Variants in ACOX1 observed in about 807,000 individuals in gnomAD.
ACOX1 encodes the protein peroxisomal acyl-coenzyme A oxidase 1.
A neutral mutation model predicts 75.5 loss-of-function variants in ACOX1; 41 were observed. The ratio of observed to expected loss-of-function variants is 0.54; its 90% CI spans 0.42 to 0.70. The LOEUF (loss-of-function observed/expected upper bound fraction) is 0.70. Ranked by LOEUF, ACOX1 falls within the 30% of genes least tolerant of loss-of-function variation. ACOX1 has a pLI of 0.00. For missense variants in ACOX1, 630 were observed against 837.5 expected (o/e 0.75, Z 3.06); for synonymous variants, 303 against 298.8 (o/e 1.01, Z -0.15).
intron 3 of ACOX1, among the ~76,000 whole-genome samples, chr17:75,958,467 G>C (rs1354325241): frequency 1.4e-5 from 2 of 147,736 alleles, no homozygotes; most frequent in Non-Finnish European, 3.1e-5. Context: ...AGGAGATTGA[G>C]ACCATCCTGG....
intron 2 of ACOX1, among the ~76,000 whole-genome samples, chr17:75,968,360 C>T (rs1463946261): frequency 7.2e-6 from 1 of 138,976 alleles, no homozygotes; most frequent in African/African-American, 2.8e-5. Flanking sequence ...GGCGTGAACC[C>T]GGGAGGTGGA....
chr17:75,972,376 A>C (rs2066004862), intron 2 of ACOX1, among the ~76,000 whole-genome samples: 1 of 150,408 alleles, frequency 6.6e-6, no homozygotes, highest in South Asian at 2.1e-4. Flanking sequence ...GCGGTGGCTC[A>C]CGCCTGTAGC....
In ACOX1 at chr17:75,955,565, C is replaced by T; in HGVS notation, c.774+1G>A. The stretch of plus-strand genomic sequence containing the variant: ...CTGCTTTATTTTCTATCAAAACATA[C>T]CTGGGCATACTTCATCAGCATGTTT... On this transcript the variant is annotated splice_donor_variant, in intron 6 of 13. Transcript: ENST00000293217. LOFTEE classifies it high-confidence loss of function. 1 of 1,612,716 alleles carries T rather than the reference C, an allele frequency of 6.2e-7. No homozygotes were observed. Among genetic ancestry groups the T allele is most frequent in the Non-Finnish European group, 8.5e-7 (1 of 1,178,748 alleles).
intron 2 of ACOX1, chr17:75,973,796 G>A: frequency 6.2e-7 from 1 of 1,613,538 alleles, no homozygotes. Flanking sequence ...CTACAGGAGA[G>A]AAGAGAAAAG....
intron 2 of ACOX1, among the ~76,000 whole-genome samples, chr17:75,964,859 G>A (rs1282225941): frequency 6.6e-6 from 1 of 152,086 alleles, no homozygotes; most frequent in Non-Finnish European, 1.5e-5. Context: ...CTTTCCACAT[G>A]ATACAAGGCT....
chr17:75,971,559 T>A (rs187066793), intron 2 of ACOX1, among the ~76,000 whole-genome samples: 164 of 151,690 alleles, frequency 1.1e-3, no homozygotes, highest in African/African-American at 3.6e-3. Flanking sequence ...CTGGCCAAAA[T>A]GGCCAAACCC....
chr17:75,955,409 G>A (rs559778516), intron 6 of ACOX1, among the ~76,000 whole-genome samples, 157 bp downstream of exon 6: 9 of 151,440 alleles, frequency 5.9e-5, no homozygotes, highest in South Asian at 2.1e-4. Context: ...AGTCATCCAC[G>A]CACTCAGCCT....
At chr17:75,966,020 C>T (rs1202000532) in intron 2 of ACOX1, among the ~76,000 whole-genome samples, 1 of 151,782 alleles carries the variant, frequency 6.6e-6, no homozygotes, top group African/African-American at 2.4e-5. Context: ...ATCCCAGCTA[C>T]TCGGGAGGCT....
intron 2 of ACOX1, among the ~76,000 whole-genome samples, chr17:75,975,004 C>CGCACCACTGCACTCCAGCCTGG (rs1368684601): frequency 4.4e-5 from 6 of 136,258 alleles, no homozygotes; most frequent in African/African-American, 1.7e-4. Context: ...GAGCCGAGAT[C>CGCACCACTGCACTCCAGCCTGG]GCACCACTGC....
intron 2 of ACOX1, among the ~76,000 whole-genome samples, chr17:75,970,255 A>T (rs918169127): frequency 3.3e-5 from 5 of 152,074 alleles, no homozygotes; most frequent in East Asian, 1.9e-4. Flanking sequence ...ACAAAGCAAG[A>T]AGAATCTCCA....
At chr17:75,963,806 T>C (rs1423694236) in intron 2 of ACOX1, among the ~76,000 whole-genome samples, 2 of 151,816 alleles carry the variant, frequency 1.3e-5, no homozygotes, top group Non-Finnish European at 1.5e-5. Context: ...GTGTCACCAC[T>C]GGTAGAGACT....
At chr17:75,976,758 G>T (rs1315835016) in intron 2 of ACOX1, among the ~76,000 whole-genome samples, 1 of 152,070 alleles carries the variant, frequency 6.6e-6, no homozygotes, top group Admixed American at 6.6e-5. Flanking sequence ...TAGAGGCAGT[G>T]ACCATTATTA....
intron 4 of ACOX1, among the ~76,000 whole-genome samples, chr17:75,956,162 C>T (rs1349067091): frequency 1.3e-5 from 2 of 152,106 alleles, no homozygotes; most frequent in African/African-American, 2.4e-5. Context: ...ATTTCTCATA[C>T]ATTTACGTAG....
Sources: allele counts gnomAD v4.1 joint callset (sites outside exome capture counted in the v4.1 genomes callset), GRCh38; gene constraint gnomAD v4.1.1; transcripts MANE v1.5; gene names NCBI Gene and HGNC (gene_info 2026-07-23, HGNC 2026-07-21).